Variants in PLEC observed in about 807,000 individuals in gnomAD.
The protein encoded by PLEC is hemidesmosomal protein 1.
A neutral mutation model predicts 392.8 loss-of-function variants in PLEC; 216 were observed. That is an observed-to-expected ratio of 0.55 (90% CI 0.49 to 0.62). The LOEUF is 0.62. Among genes scored for constraint, PLEC ranks in the 20% least tolerant of loss-of-function variants. The pLI is 0.00. For missense variants in PLEC, 6,863 were observed against 6,563.4 expected (o/e 1.05, Z -1.58); for synonymous variants, 3,621 against 2,980.6 (o/e 1.21, Z -7.00).
Position 143,920,416 on chromosome 8 carries a change from G to T in PLEC, c.9405C>A (p.Asp3135Glu). 1.9e-6 allele frequency: 3 copies of T among 1,594,378 alleles called. No homozygotes were observed. Among genetic ancestry groups the T allele is most frequent in the Non-Finnish European group, 1.7e-6 (2 of 1,173,270 alleles). ...IPREQGLRLL[D>E]AQLSTGGIVD... is the part of the protein sequence containing the mutation. Reference sequence around the variant, plus strand: ...CGATGCCGCCCGTGGACAGCTGGGCGTCCAACAGGCGCAGGCCCTGCTCCC... The same window carrying T: ...CGATGCCGCCCGTGGACAGCTGGGCTTCCAACAGGCGCAGGCCCTGCTCCC... Residue 3135 changes from aspartate to glutamate, a missense_variant, in exon 32 of 32, where the codon GAC becomes GAA. Coordinates refer to ENST00000345136, the MANE Select transcript of PLEC (RefSeq NM_201384.3).
At position 143,932,439 on chromosome 8, in the gene PLEC, G is replaced by T; in HGVS notation, c.1938C>A (p.Asp646Glu). ...EEEEVGFDWSDRNTNMTAKKE... is the reference protein window; with the variant it reads ...EEEEVGFDWSERNTNMTAKKE... ...TCTTGGCGGTCATGTTGGTGTTGCG[G>T]TCGCTCCAGTCGAAGCCCACCTCCT... The change falls in exon 16 of 32, where the codon GAC becomes GAA. Residue 646 changes from aspartate to glutamate, a missense_variant. Asp to Glu is a conservative substitution (Grantham distance 45). Transcript: ENST00000345136. 6.2e-7 allele frequency: 1 copy of T among 1,612,836 alleles called. No homozygotes were observed. Among genetic ancestry groups the T allele is most frequent in the Non-Finnish European group, 8.5e-7 (1 of 1,179,972 alleles).
chr8:143,924,367 G>A lies in PLEC; in HGVS notation c.5562C>T (p.Ile1854=), dbSNP rs782000075. 5.0e-5 allele frequency: 80 copies of A among 1,596,692 alleles called. No individual in the cohort carries two copies. In the Middle Eastern group the frequency reaches 6.6e-4, roughly 13 times the overall value. Residue 1854 remains isoleucine (I), a synonymous_variant, in exon 31 of 32, where the codon ATC becomes ATT. Transcript: ENST00000345136. ...TCTCCGCCTCCTTCTCCTTGAGCGC[G>A]ATCTCCGCCTCCGTCTTGAGCCGCG... ...EATRLKTEAE[I]ALKEKEAENE...
Position 143,920,733 on chromosome 8 carries a change from ATACACCC to A in PLEC, c.9081_9087del (p.Val3029TrpfsTer8). On this transcript the variant is annotated frameshift_variant, in exon 32 of 32. Transcript: ENST00000345136. LOFTEE classifies it high-confidence loss of function. The stretch of plus-strand genomic sequence containing the variant: ...AGCTTCTGCCCCGCCTCCTCCAGCC[ATACACCC>A]GCGATGACGTTGGCACCCCGGAGAG... 1 of 1,604,086 alleles carries A rather than the reference ATACACCC, an allele frequency of 6.2e-7. No homozygotes were observed. Among genetic ancestry groups the A allele is most frequent in the Non-Finnish European group, 8.5e-7 (1 of 1,179,896 alleles).
rs782526828 is a variant in PLEC at position 143,921,342 on chromosome 8, C to A, written c.8479G>T (p.Asp2827Tyr). 6 of 1,613,676 alleles carry A rather than the reference C, an allele frequency of 3.7e-6. No individual in the cohort carries two copies. The highest frequency in any genetic ancestry group is 1.6e-4 in the Middle Eastern group (1 of 6,084). ...DPVHSHRVPVDVAYRRGYFDE... is the reference protein window; with the variant it reads ...DPVHSHRVPVYVAYRRGYFDE... The stretch of plus-strand genomic sequence containing the variant: ...AAGTAGCCGCGCCGGTAGGCCACGT[C>A]CACGGGCACGCGGTGGCTGTGCACG... The change falls in exon 32 of 32, where the codon GAC (aspartate) becomes TAC (tyrosine). Residue 2827 changes from aspartate to tyrosine, a missense_variant. Physicochemically the swap from Asp to Tyr is radical, Grantham distance 160 (BLOSUM62 -3). Coordinates refer to ENST00000345136, the MANE Select transcript of PLEC (RefSeq NM_201384.3).
At position 143,922,339 on chromosome 8, in the gene PLEC, G is replaced by A. The variant is rs782036845; in HGVS notation, c.7482C>T (p.Ser2494=). The change falls in exon 32 of 32, where the codon AGC becomes AGT. Residue 2494 remains serine, a synonymous_variant. Coordinates refer to ENST00000345136, the MANE Select transcript of PLEC (RefSeq NM_201384.3). ...LLQETQALQQ[S]FLSEKDSLLQ... is the part of the protein sequence containing the mutation. ...GCAGGCTGTCCTTTTCAGAGAGGAA[G>A]CTTTGCTGCAGGGCCTGCGTCTCCT... The A allele has an allele frequency of 1.2e-6, 2 of 1,606,048 alleles. No individual in the cohort carries two copies. Among genetic ancestry groups the A allele is most frequent in the African/African-American group, 1.3e-5 (1 of 74,928 alleles).
intron 1 of PLEC, among the ~76,000 whole-genome samples, chr8:143,947,024 C>A (rs527833943): frequency 2.0e-5 from 3 of 152,270 alleles, no homozygotes; most frequent in South Asian, 4.1e-4. Context: ...CAAATCCCAT[C>A]GTAACTACCC....
upstream of PLEC, chr8:143,958,712 G>A (rs1270580218): frequency 8.9e-6 from 4 of 448,874 alleles, no homozygotes; most frequent in East Asian, 7.1e-5. This position sits in a 1 kb window ranked among gnomAD's most constrained non-coding sequence, Gnocchi z 4.9. Context: ...CTGCAGCAGG[G>A]TGGACCTCGC....
At chr8:143,970,222 A>C (rs144668109) in intron 1 of PLEC, among the ~76,000 whole-genome samples, 3 of 151,620 alleles carry the variant, frequency 2.0e-5, no homozygotes, top group South Asian at 2.1e-4. Flanking sequence ...CAGCTGGCAG[A>C]GGGCAGGCTG....
upstream of PLEC, chr8:143,943,985 G>C (rs749040345): frequency 9.3e-5 from 142 of 1,534,572 alleles, no homozygotes; most frequent in Non-Finnish European, 1.2e-4. Context: ...GGGCGAGCGA[G>C]GGGGAGCGCC....
chr8:143,926,909 T>C (rs1223333707), intron 29 of PLEC, 27 bp from the exon 30 acceptor site: 1 of 1,608,058 alleles, frequency 6.2e-7, no homozygotes, highest in African/African-American at 1.3e-5. Flanking sequence ...GGGTTAGCCC[T>C]GCGAGAGCTG....
intron 1 of PLEC, among the ~76,000 whole-genome samples, chr8:143,960,161 A>G (rs1237856014): frequency 1.3e-5 from 2 of 151,750 alleles, no homozygotes; most frequent in Non-Finnish European, 2.9e-5. Context: ...GCATGCCTGT[A>G]ATCCCAGCTA....
chr8:143,920,500 G>A lies in PLEC; in HGVS notation c.9321C>T (p.Asp3107=), dbSNP rs371887211. The part of the protein sequence containing the change: ...SAEKAVTGYR[D]PYTGQSVSLF... ...GGGAGACGCTCTGCCCTGTGTAGGG[G>A]TCCCTGTACCCTGTCACAGCCTTCT... The change falls in exon 32 of 32, where the codon GAC becomes GAT. Residue 3107 remains aspartate (D), a synonymous_variant. Coordinates refer to ENST00000345136, the MANE Select transcript of PLEC (RefSeq NM_201384.3). 56 of 1,610,234 alleles carry A rather than the reference G, an allele frequency of 3.5e-5. No individual in the cohort carries two copies. The highest frequency in any genetic ancestry group is 3.3e-4 in the Middle Eastern group (2 of 6,056).
Position 143,938,163 on chromosome 8 carries a change from C to G in PLEC, c.252G>C (p.Ser84=). The G allele has an allele frequency of 6.2e-7, 1 of 1,606,312 alleles. No homozygotes were observed. The highest frequency in any genetic ancestry group is 8.5e-7 in the Non-Finnish European group (1 of 1,178,648). ...GGGGCACACGTACCAGGCTGTCCCCCGAGAGGACCTCCAGCAGGGAGATGA... is the reference window on the plus strand; with the variant it reads ...GGGGCACACGTACCAGGCTGTCCCCGGAGAGGACCTCCAGCAGGGAGATGA... The part of the protein sequence containing the change: ...HNLISLLEVL[S]GDSLPREKGR... Residue 84 remains serine (S), a synonymous_variant, in exon 3 of 32, where the codon TCG becomes TCC. Coordinates refer to ENST00000345136, the MANE Select transcript of PLEC (RefSeq NM_201384.3).
chr8:143,921,071 A>C lies in PLEC; in HGVS notation c.8750T>G (p.Phe2917Cys), dbSNP rs782357952. ...CCAAATGGTCACCGTCTTGCCCTGG[A>C]ACTTGCCGAACGGCGCAGACACGGT... ...KATVSAPFGK[F>C]QGKTVTIWEI... Residue 2917 changes from phenylalanine (F) to cysteine (C), a missense_variant, in exon 32 of 32, where the codon TTC (phenylalanine) becomes TGC (cysteine). By Grantham distance (205) the Phe-to-Cys change is radical. Coordinates refer to ENST00000345136, the MANE Select transcript of PLEC (RefSeq NM_201384.3). 6.3e-5 allele frequency: 101 copies of C among 1,611,790 alleles called. No individual in the cohort carries two copies. The highest frequency in any genetic ancestry group is 8.3e-5 in the Non-Finnish European group (98 of 1,180,032).
In PLEC at chr8:143,918,478, C is replaced by A. The variant is rs376719872; in HGVS notation, c.11343G>T (p.Ser3781=). The A allele has an allele frequency of 6.9e-6, 11 of 1,595,898 alleles. No homozygotes were observed. Among genetic ancestry groups the A allele is most frequent in the African/African-American group, 4.0e-5 (3 of 74,564 alleles). ...GCTCCTTCTTCATGGCCTGGAAGAG[C>A]GAGATGGTCTGCTCGGTGTAGGGGT... The part of the protein sequence containing the change: ...YRDPYTEQTI[S]LFQAMKKELI... Residue 3781 remains serine (S), a synonymous_variant, in exon 32 of 32, where the codon TCG becomes TCT. Coordinates refer to ENST00000345136, the MANE Select transcript of PLEC (RefSeq NM_201384.3).
chr8:143,958,587 C>T (rs782817310), upstream of PLEC: 2 of 421,348 alleles, frequency 4.7e-6, no homozygotes, highest in African/African-American at 2.0e-5. This position sits in a 1 kb window ranked among gnomAD's most constrained non-coding sequence, Gnocchi z 4.9. Context: ...TCCCTCGTTG[C>T]CCCTCACCTC....
At chr8:143,952,735 C>A (rs538702152), upstream of PLEC, among the ~76,000 whole-genome samples, 1 of 152,208 alleles carries the variant, frequency 6.6e-6, no homozygotes, top group Non-Finnish European at 1.5e-5. Flanking sequence ...TTCTCTCCTA[C>A]ACAGGCCTGC....
At position 143,926,533 on chromosome 8, in the gene PLEC, C is replaced by T. The variant is rs542911143; in HGVS notation, c.4044+251G>A. ...GACGGCCGCTAGGCTGCAGGGGGGA[C>T]GCTCACGAGGGAGGAGAGGCGGCAC... On this transcript the variant is annotated intron_variant, in intron 30 of 31. Coordinates refer to ENST00000345136, the MANE Select transcript of PLEC (RefSeq NM_201384.3). Among the ~76,000 whole-genome samples the T allele has an allele frequency of 1.3e-3, 195 of 152,212 alleles. 1 individual carries two copies. The highest frequency in any genetic ancestry group is 4.0e-3 in the African/African-American group (165 of 41,494).
rs376112916 is a variant in PLEC at position 143,921,991 on chromosome 8, C to T, written c.7830G>A (p.Ala2610=). ...LLEEQHRAAL[A]HSEEVTASQV... is the part of the protein sequence containing the mutation. ...GCGAGGCAGTGACCTCCTCTGAGTGCGCCAGCGCGGCCCGGTGCTGCTCCT... is the reference window on the plus strand; with the variant it reads ...GCGAGGCAGTGACCTCCTCTGAGTGTGCCAGCGCGGCCCGGTGCTGCTCCT... The change falls in exon 32 of 32, where the codon GCG becomes GCA. Residue 2610 remains alanine (A), a synonymous_variant. Transcript: ENST00000345136. The T allele has an allele frequency of 2.4e-4, 388 of 1,598,492 alleles. No homozygotes were observed. In the African/African-American group the frequency reaches 2.9e-3, roughly 12 times the overall value.
Sources: gnomAD v4.1 joint callset for allele counts (sites outside exome capture counted in the v4.1 genomes callset) on GRCh38, gnomAD v4.1.1 for gene constraint, Gnocchi (gnomAD v3.1) non-coding constraint, MANE v1.5 for transcripts, NCBI Gene and HGNC (gene_info 2026-07-23, HGNC 2026-07-21) for gene names.